ARMC9: variants seen among roughly 807,000 people sequenced by gnomAD.
ARMC9 encodes the protein armadillo repeat containing 9, also known as lisH domain-containing protein ARMC9.
In ARMC9, 94 loss-of-function variants were observed where a neutral mutation model predicts 107.0. That is an observed-to-expected ratio of 0.88 (90% CI 0.74 to 1.04). ARMC9 has a LOEUF of 1.04. Ranked by LOEUF, ARMC9 falls within the 50% of genes least tolerant of loss-of-function variation. The probability of loss-of-function intolerance (pLI) is 0.00; values close to 1 mark genes in which losing one functional copy is unlikely to be tolerated. For synonymous variants in ARMC9, 380 were observed against 396.9 expected (o/e 0.96, Z 0.51); for missense variants, 942 against 1,030.1 (o/e 0.91, Z 1.17).
chr2:231,337,330 C>T (rs6713619), intron 20 of ARMC9, among the ~76,000 whole-genome samples: 2,632 of 110,156 alleles, frequency 0.024, 96 homozygotes, highest in African/African-American at 0.085. Flanking sequence ...CAGTGTCTCA[C>T]TTTGTTGTCC....
At chr2:231,201,359 C>T (rs990604429) in intron 1 of ARMC9, among the ~76,000 whole-genome samples, 1 of 152,124 alleles carries the variant, frequency 6.6e-6, no homozygotes, top group Admixed American at 6.5e-5. Flanking sequence ...CTCCAGTTCC[C>T]TTGGAGCCTC....
intron 21 of ARMC9, among the ~76,000 whole-genome samples, chr2:231,355,306 C>G (rs2045292605): frequency 6.6e-6 from 1 of 152,196 alleles, no homozygotes; most frequent in Admixed American, 6.5e-5. Flanking sequence ...CACCATGGCA[C>G]TCCAGCCTGG....
intron 19 of ARMC9, among the ~76,000 whole-genome samples, chr2:231,317,507 TTG>T (rs2042769398): frequency 6.6e-6 from 1 of 151,884 alleles, no homozygotes; most frequent in South Asian, 2.1e-4. Flanking sequence ...AGTGTTTTTT[TTG>T]TGTGTGTTTG....
chr2:231,320,216 C>T (rs2042921415), intron 19 of ARMC9, among the ~76,000 whole-genome samples: 1 of 152,152 alleles, frequency 6.6e-6, no homozygotes, highest in Admixed American at 6.5e-5. Context: ...CTTCTTCATC[C>T]TCGTGTCCTT....
intron 3 of ARMC9, among the ~76,000 whole-genome samples, chr2:231,214,487 C>T (rs113935382): frequency 5.6e-4 from 85 of 152,300 alleles, no homozygotes; most frequent in South Asian, 5.2e-3. Context: ...GTCAGTTGCA[C>T]GCTGTGGGTC....
intron 8 of ARMC9, among the ~76,000 whole-genome samples, chr2:231,237,247 A>G (rs2035804999): frequency 6.6e-6 from 1 of 151,870 alleles, no homozygotes; most frequent in Non-Finnish European, 1.5e-5. Flanking sequence ...AGTTGGGATC[A>G]TATGATGCAT....
At chr2:231,361,031 T>G in intron 23 of ARMC9, 148 bp downstream of exon 23, 1 of 1,314,304 alleles carries the variant, frequency 7.6e-7, no homozygotes. Context: ...GTGTCAAGAT[T>G]CCCAGCGGAG....
chr2:231,362,189 G>A lies in ARMC9; in HGVS notation c.2261+1306G>A, dbSNP rs1207354623. On this transcript the variant is annotated intron_variant, in intron 23 of 24. Transcript: ENST00000611582. This position sits in a 1 kb window ranked among gnomAD's most constrained non-coding sequence, Gnocchi z 4.7. ...TACCTGGGCCTCCTCCCCTCTTTCT[G>A]TGGCTGAAGAGGAGCTTGTCAGCTA... is the stretch of plus-strand genomic sequence containing the variant. 6.6e-6 allele frequency among the ~76,000 whole-genome samples: 1 copy of A among 152,144 alleles called. No individual in the cohort carries two copies. The highest frequency in any genetic ancestry group is 1.5e-5 in the Non-Finnish European group (1 of 68,004).
intron 20 of ARMC9, among the ~76,000 whole-genome samples, chr2:231,334,121 G>A (rs1253528002): frequency 6.6e-6 from 1 of 152,180 alleles, no homozygotes; most frequent in Non-Finnish European, 1.5e-5. Flanking sequence ...TTTACTAGAA[G>A]GAAACCATGG....
chr2:231,205,912 G>A (rs925964543), intron 1 of ARMC9, among the ~76,000 whole-genome samples: 4 of 152,282 alleles, frequency 2.6e-5, no homozygotes, highest in South Asian at 4.1e-4. Context: ...CATCATGCTG[G>A]CACTGACCCT....
At chr2:231,220,975 C>G (rs1348452353) in intron 5 of ARMC9, among the ~76,000 whole-genome samples, 1 of 152,222 alleles carries the variant, frequency 6.6e-6, no homozygotes, top group African/African-American at 2.4e-5. Flanking sequence ...AGATTCTTCT[C>G]TGTGTGGTTG....
At chr2:231,235,039 G>T (rs1467174643) in intron 7 of ARMC9, among the ~76,000 whole-genome samples, 185 bp from the exon 8 acceptor site, 3 of 152,238 alleles carry the variant, frequency 2.0e-5, no homozygotes, top group Non-Finnish European at 4.4e-5. Flanking sequence ...AGTCAGTGTG[G>T]TTACAAAGCA....
Position 231,358,622 on chromosome 2 carries a change from G to T in ARMC9, c.2132-2132G>T, listed in dbSNP as rs73098107. On this transcript the variant is annotated intron_variant, in intron 22 of 24. Coordinates refer to ENST00000611582, the MANE Select transcript of ARMC9 (RefSeq NM_001352754.2). This position sits in a 1 kb window ranked among gnomAD's most constrained non-coding sequence, Gnocchi z 4.5. The stretch of plus-strand genomic sequence containing the variant: ...GCTGGGAACTAACGCCCCACCCAGA[G>T]ACCCCGTGGAAACCCCCACCTTCAC... 0.13 allele frequency among the ~76,000 whole-genome samples: 20,349 copies of T among 152,088 alleles called. 3,223 individuals are homozygous for T. Among genetic ancestry groups the T allele is most frequent in the African/African-American group, 0.38 (15,743 of 41,408 alleles).
intron 21 of ARMC9, among the ~76,000 whole-genome samples, chr2:231,355,256 T>G (rs2045289578): frequency 6.7e-6 from 1 of 148,348 alleles, no homozygotes; most frequent in Non-Finnish European, 1.5e-5. Flanking sequence ...GGAGGATCAC[T>G]TGAGCCTGGG....
intron 12 of ARMC9, among the ~76,000 whole-genome samples, chr2:231,269,109 CTTT>C (rs2039091298): frequency 6.6e-6 from 1 of 152,076 alleles, no homozygotes; most frequent in East Asian, 1.9e-4. Context: ...AATTCTTTAT[CTTT>C]TGTATGTGAC....
chr2:231,365,652 G>A (rs1345754431), intron 23 of ARMC9, among the ~76,000 whole-genome samples: 1 of 152,122 alleles, frequency 6.6e-6, no homozygotes, highest in South Asian at 2.1e-4. Flanking sequence ...GATAAAGGCA[G>A]ATAGGAACCA....
Position 231,221,830 on chromosome 2 carries a change from C to CAAAAAAA in ARMC9, c.505-886_505-880dup, listed in dbSNP as rs61031104. ...TGGGTGACAAAGCAAGACTCTGTCT[C>CAAAAAAA]AAAAAAAAAAAAAAAAAAGAACTTT... On this transcript the variant is annotated intron_variant, in intron 5 of 24. Coordinates refer to ENST00000611582, the MANE Select transcript of ARMC9 (RefSeq NM_001352754.2). Among the ~76,000 whole-genome samples the CAAAAAAA allele has an allele frequency of 1.2e-4, 9 of 74,042 alleles. 1 individual carries two copies. The highest frequency in any genetic ancestry group is 5.1e-4 in the South Asian group (1 of 1,958). The allele number at this position is 74,042 out of a possible 152,430, so 48.6% of individuals were successfully genotyped here.
In ARMC9 at chr2:231,362,688, C is replaced by G. The variant is rs2045639114; in HGVS notation, c.2261+1805C>G. 1 of 152,754 alleles carries G rather than the reference C, an allele frequency of 6.5e-6. No homozygotes were observed. Among genetic ancestry groups the G allele is most frequent in the African/African-American group, 2.4e-5 (1 of 41,000 alleles). The allele number at this position is 152,754 out of a possible 1,614,324, so 9.5% of individuals were successfully genotyped here. A position where few individuals can be genotyped will look rare whatever the true frequency, so the allele number is the denominator to read the frequency against. On this transcript the variant is annotated intron_variant, in intron 23 of 24. Coordinates refer to ENST00000611582, the MANE Select transcript of ARMC9 (RefSeq NM_001352754.2). The surrounding 1 kb of genome is among the most constrained non-coding windows in gnomAD (Gnocchi z 4.7). ...CAAGTTGTTCCATCTTCCTCTTCCT[C>G]CCTCACTGGCAACGTCATCTAGAAT...
intron 3 of ARMC9, among the ~76,000 whole-genome samples, chr2:231,208,851 A>G (rs1343081375): frequency 1.3e-5 from 2 of 152,086 alleles, no homozygotes; most frequent in East Asian, 3.9e-4. Context: ...GGAGGACCGC[A>G]TAAACCCAGG....
Sources: gnomAD v4.1 joint callset for allele counts (sites outside exome capture counted in the v4.1 genomes callset) on GRCh38, gnomAD v4.1.1 for gene constraint, Gnocchi (gnomAD v3.1) non-coding constraint, MANE v1.5 for transcripts, NCBI Gene and HGNC (gene_info 2026-07-23, HGNC 2026-07-21) for gene names.